The following SPIRE1 variants were observed in gnomAD, a reference collection of about 807,000 sequenced individuals.
SPIRE1 encodes the protein protein spire homolog 1.
SPIRE1 carries 40 observed loss-of-function variants against 94.1 expected under a neutral mutation model. The ratio of observed to expected loss-of-function variants is 0.43; its 90% CI spans 0.33 to 0.55. The LOEUF is 0.55. Ranked by LOEUF, SPIRE1 falls within the 20% of genes least tolerant of loss-of-function variation. The probability of loss-of-function intolerance (pLI) is 0.06; values close to 1 mark genes in which losing one functional copy is unlikely to be tolerated. For synonymous variants in SPIRE1, 376 were observed against 371.7 expected (o/e 1.01, Z -0.13); for missense variants, 838 against 975.2 (o/e 0.86, Z 1.87).
chr18:12,526,962 C>T (rs2034540780), intron 4 of SPIRE1, among the ~76,000 whole-genome samples: 1 of 152,106 alleles, frequency 6.6e-6, no homozygotes, highest in South Asian at 2.1e-4. Context: ...CCCGCCTCAC[C>T]CTCCCAAAGT....
At chr18:12,505,047 CG>C (rs893260396) in intron 6 of SPIRE1, among the ~76,000 whole-genome samples, 1 of 152,058 alleles carries the variant, frequency 6.6e-6, no homozygotes, top group African/African-American at 2.4e-5. Context: ...GTGCCGGCCA[CG>C]GTAAGGACAT....
At chr18:12,569,394 T>C (rs2035903196) in intron 2 of SPIRE1, among the ~76,000 whole-genome samples, 1 of 151,390 alleles carries the variant, frequency 6.6e-6, no homozygotes, top group Non-Finnish European at 1.5e-5. Flanking sequence ...ATTATTACAC[T>C]GGCATGTGCA....
chr18:12,557,555 C>A (rs964753870), intron 2 of SPIRE1, among the ~76,000 whole-genome samples: 2 of 152,106 alleles, frequency 1.3e-5, no homozygotes, highest in African/African-American at 4.8e-5. Context: ...GCAGAGGGAG[C>A]CGGCTCCAGC....
chr18:12,594,361 T>C (rs1046233860), intron 2 of SPIRE1, among the ~76,000 whole-genome samples: 2 of 152,162 alleles, frequency 1.3e-5, no homozygotes, highest in Non-Finnish European at 2.9e-5. Flanking sequence ...ATGTCCATTA[T>C]TATGGACATT....
At position 12,559,870 on chromosome 18, in the gene SPIRE1, T is replaced by C. The variant is rs1567934410; in HGVS notation, c.373-12966A>G. ...ATCTGACAAGGGGTAATAACCACAA[T>C]ATATAAGGACCTCAAACAATTCTAT... On this transcript the variant is annotated intron_variant, in intron 2 of 16. Coordinates refer to ENST00000409402, the MANE Select transcript of SPIRE1 (RefSeq NM_001128626.2). This position sits in a 1 kb window ranked among gnomAD's most constrained non-coding sequence, Gnocchi z 4.7. Among the ~76,000 whole-genome samples, 1 of 152,114 alleles carries C rather than the reference T, an allele frequency of 6.6e-6. No homozygotes were observed. The highest frequency in any genetic ancestry group is 2.4e-5 in the African/African-American group (1 of 41,426).
intron 12 of SPIRE1, among the ~76,000 whole-genome samples, chr18:12,462,038 G>A (rs1229562304): frequency 6.6e-6 from 1 of 152,136 alleles, no homozygotes. Context: ...GAATCTGTCT[G>A]GTCAGAGTTC....
At chr18:12,639,869 TA>T (rs562155267) in intron 1 of SPIRE1, among the ~76,000 whole-genome samples, 644 of 142,198 alleles carry the variant, frequency 4.5e-3, no homozygotes, top group East Asian at 6.0e-3. Flanking sequence ...ACATTGTCTT[TA>T]AAAAAAAAAA....
intron 12 of SPIRE1, among the ~76,000 whole-genome samples, chr18:12,461,961 T>C (rs921544886): frequency 3.3e-5 from 5 of 152,314 alleles, no homozygotes; most frequent in East Asian, 1.9e-4. Context: ...GTTGTGATAA[T>C]AGCTGTATAT....
Position 12,554,884 on chromosome 18 carries a change from T to C in SPIRE1, c.373-7980A>G, listed in dbSNP as rs944834990. Among the ~76,000 whole-genome samples, 6 of 152,316 alleles carry C rather than the reference T, an allele frequency of 3.9e-5. No individual in the cohort carries two copies. The South Asian group carries it at 1.2e-3, about 32-fold the overall frequency. The stretch of plus-strand genomic sequence containing the variant: ...AGTCTTAACACTTGAAAAAGTTTCA[T>C]TTGTCTTATCCAAGTTCCTTTCTCA... On this transcript the variant is annotated intron_variant, in intron 2 of 16. Coordinates refer to ENST00000409402, the MANE Select transcript of SPIRE1 (RefSeq NM_001128626.2).
chr18:12,588,040 T>C (rs187650937), intron 2 of SPIRE1, among the ~76,000 whole-genome samples: 29 of 152,294 alleles, frequency 1.9e-4, no homozygotes, highest in African/African-American at 6.5e-4. Context: ...ACTTCCTAGC[T>C]TTATAGATTT....
At chr18:12,648,385 C>T (rs2038282722) in intron 1 of SPIRE1, among the ~76,000 whole-genome samples, 1 of 152,178 alleles carries the variant, frequency 6.6e-6, no homozygotes, top group Non-Finnish European at 1.5e-5. Flanking sequence ...GGGAGCCCTT[C>T]ACCTCGCTGG....
At chr18:12,614,836 G>T (rs972658752) in intron 2 of SPIRE1, among the ~76,000 whole-genome samples, 5 of 151,744 alleles carry the variant, frequency 3.3e-5, no homozygotes, top group Admixed American at 3.3e-4. Flanking sequence ...AAGAAAAAAA[G>T]AAACTAAATA....
chr18:12,577,306 C>T (rs527347678), intron 2 of SPIRE1, among the ~76,000 whole-genome samples: 19 of 152,126 alleles, frequency 1.2e-4, no homozygotes, highest in African/African-American at 3.6e-4. Flanking sequence ...CGCCACCACG[C>T]CCAGCTAATT....
chr18:12,603,574 ATTTT>A (rs71174104), intron 2 of SPIRE1, among the ~76,000 whole-genome samples: 11 of 138,370 alleles, frequency 7.9e-5, no homozygotes, highest in Non-Finnish European at 1.1e-4. Flanking sequence ...CCAGTAGCCA[ATTTT>A]TTTTTTTTTT....
chr18:12,648,890 CAAAAAA>C (rs56696562), intron 1 of SPIRE1, among the ~76,000 whole-genome samples: 4 of 85,494 alleles, frequency 4.7e-5, no homozygotes, highest in Middle Eastern at 7.6e-3. Context: ...AACTCCGTCT[CAAAAAA>C]AAAAAAAAAA....
chr18:12,659,738 G>A (rs1598598151), upstream of SPIRE1, among the ~76,000 whole-genome samples: 2 of 152,120 alleles, frequency 1.3e-5, no homozygotes, highest in Admixed American at 6.5e-5. Context: ...ATTTCAGTAC[G>A]AGAGAGACAA....
chr18:12,526,100 T>C (rs1035499234), intron 4 of SPIRE1, among the ~76,000 whole-genome samples: 28 of 32,160 alleles, frequency 8.7e-4, no homozygotes, highest in Admixed American at 7.3e-3. Flanking sequence ...CACAGAGATG[T>C]ATCTGATGCC....
chr18:12,619,771 G>A (rs560932157), intron 2 of SPIRE1, among the ~76,000 whole-genome samples: 15 of 150,918 alleles, frequency 9.9e-5, no homozygotes, highest in African/African-American at 2.9e-4. Flanking sequence ...TCTTGAACCC[G>A]GGAGGTGGAG....
intron 9 of SPIRE1, among the ~76,000 whole-genome samples, chr18:12,485,136 G>A (rs186566756): frequency 7.5e-6 from 1 of 133,640 alleles, no homozygotes; most frequent in East Asian, 2.2e-4. Context: ...ACTGAGTCTC[G>A]CTCTGTTGCC....
Sources: gnomAD v4.1 joint callset for allele counts (sites outside exome capture counted in the v4.1 genomes callset) on GRCh38, gnomAD v4.1.1 for gene constraint, Gnocchi (gnomAD v3.1) non-coding constraint, MANE v1.5 for transcripts, NCBI Gene and HGNC (gene_info 2026-07-23, HGNC 2026-07-21) for gene names.